The following NWD1 variants were observed in gnomAD, a reference collection of about 807,000 sequenced individuals.
The protein encoded by NWD1 is NACHT domain- and WD repeat-containing protein 1.
A neutral mutation model predicts 135.1 loss-of-function variants in NWD1; 129 were observed. That is an observed-to-expected ratio of 0.96 (90% CI 0.83 to 1.11). The LOEUF is 1.11. Ranked by LOEUF, NWD1 falls within the 50% of genes least tolerant of loss-of-function variation. The pLI, the probability that NWD1 is intolerant of heterozygous loss-of-function variation, is 0.00. For synonymous variants in NWD1, 773 were observed against 786.0 expected (o/e 0.98, Z 0.28); for missense variants, 1,740 against 1,851.3 (o/e 0.94, Z 1.10).
intron 12 of NWD1, among the ~76,000 whole-genome samples, chr19:16,781,452 CA>C (rs1247726685): frequency 1.3e-5 from 2 of 151,972 alleles, no homozygotes; most frequent in African/African-American, 4.8e-5. Flanking sequence ...CACATCTCTA[CA>C]AAAAATGCAA....
intron 12 of NWD1, among the ~76,000 whole-genome samples, chr19:16,780,479 A>G (rs1196442877): frequency 6.6e-6 from 1 of 152,104 alleles, no homozygotes; most frequent in Non-Finnish European, 1.5e-5. Context: ...CAAGAAAACA[A>G]GTAGGCACTC....
intron 4 of NWD1, among the ~76,000 whole-genome samples, chr19:16,737,222 A>G (rs991609808): frequency 1.3e-5 from 2 of 152,080 alleles, no homozygotes; most frequent in Non-Finnish European, 1.5e-5. Context: ...CCAGTCCACA[A>G]TTAATGGTTT....
At chr19:16,797,403 T>C (rs1207527263) in intron 15 of NWD1, among the ~76,000 whole-genome samples, 4 of 150,416 alleles carry the variant, frequency 2.7e-5, no homozygotes. Flanking sequence ...CAATCTCAGC[T>C]TACTGCAGCC....
chr19:16,744,897 T>C, intron 5 of NWD1, 179 bp downstream of exon 5: 2 of 662,582 alleles, frequency 3.0e-6, no homozygotes, highest in Non-Finnish European at 5.4e-6. Context: ...AGTTCAGCCA[T>C]GTTCCTGATC....
At chr19:16,742,525 C>T (rs1174719758) in intron 4 of NWD1, among the ~76,000 whole-genome samples, 1 of 152,122 alleles carries the variant, frequency 6.6e-6, no homozygotes, top group Non-Finnish European at 1.5e-5. Flanking sequence ...GTTCCATCCC[C>T]AGGCCCCTGT....
intron 6 of NWD1, among the ~76,000 whole-genome samples, chr19:16,758,836 C>T (rs540192365): frequency 4.0e-5 from 6 of 151,850 alleles, no homozygotes; most frequent in South Asian, 4.2e-4. Context: ...GGTGAAACCC[C>T]GTCTCTACTA....
At chr19:16,729,446 C>T (rs1334205622) in intron 2 of NWD1, among the ~76,000 whole-genome samples, 1 of 152,012 alleles carries the variant, frequency 6.6e-6, no homozygotes, top group East Asian at 1.9e-4. Context: ...TGCAAACACC[C>T]CGTCTTCAGG....
chr19:16,803,792 G>T (rs989666644), intron 17 of NWD1, among the ~76,000 whole-genome samples: 1 of 151,788 alleles, frequency 6.6e-6, no homozygotes, highest in African/African-American at 2.4e-5. Context: ...GGGCGTGGTG[G>T]TGTGTGCCTG....
intron 7 of NWD1, 22 bp downstream of exon 7, chr19:16,759,450 A>T: frequency 1.3e-6 from 2 of 1,524,096 alleles, no homozygotes; most frequent in Non-Finnish European, 1.8e-6. Flanking sequence ...CAGCAGTGGC[A>T]GCGACACTGT....
intron 6 of NWD1, among the ~76,000 whole-genome samples, chr19:16,757,492 G>T (rs139528625): frequency 2.0e-5 from 3 of 152,140 alleles, no homozygotes; most frequent in Non-Finnish European, 2.9e-5. Context: ...CAACAGTTTT[G>T]CTTTTGGCAG....
intron 6 of NWD1, among the ~76,000 whole-genome samples, chr19:16,752,498 A>AT (rs1044854658): frequency 1.2e-4 from 17 of 141,388 alleles, no homozygotes; most frequent in Non-Finnish European, 2.3e-4. Context: ...CTATACAACA[A>AT]TTTTTTTTAA....
rs191687368 is a variant in NWD1 at position 16,791,954 on chromosome 19, T to C, written c.3213+332T>C. On this transcript the variant is annotated intron_variant, in intron 14 of 18. Transcript: ENST00000524140. The stretch of plus-strand genomic sequence containing the variant: ...GTCTCAAACTCCCAACCTCAGATGA[T>C]CTGCCCACCTCGGCCTCCCAGAGTA... Among the ~76,000 whole-genome samples, 761 of 152,204 alleles carry C rather than the reference T, an allele frequency of 5.0e-3. 5 individuals carry two copies. The highest frequency in any genetic ancestry group is 0.017 in the African/African-American group (701 of 41,554).
rs576569787 is a variant in NWD1 at position 16,800,211 on chromosome 19, A to G, written c.3736+49A>G. ...ATTTTTGTGGGTAAGGCTTGGAGCC[A>G]TCTGTCTTAGTTTAGGCTACTGTAA... is the stretch of plus-strand genomic sequence containing the variant. On this transcript the variant is annotated intron_variant, in intron 17 of 18. Transcript: ENST00000524140. 20 of 1,523,794 alleles carry G rather than the reference A, an allele frequency of 1.3e-5. No homozygotes were observed. The African/African-American group carries it at 2.3e-4, about 18-fold the overall frequency. The allele number at this position is 1,523,794 out of a possible 1,614,324, so 94.4% of individuals were successfully genotyped here.
At chr19:16,767,862 C>A (rs1969281690) in intron 10 of NWD1, among the ~76,000 whole-genome samples, 1 of 151,622 alleles carries the variant, frequency 6.6e-6, no homozygotes, top group South Asian at 2.1e-4. Flanking sequence ...AATTTGACTG[C>A]TTTAGGTATT....
Position 16,749,152 on chromosome 19 carries a change from G to T in NWD1, c.510G>T (p.Glu170Asp), listed in dbSNP as rs757951904. The change falls in exon 6 of 19, where the codon GAG becomes GAT. Residue 170 changes from glutamate to aspartate, a missense_variant. Glu to Asp is a conservative substitution (Grantham distance 45). Transcript: ENST00000524140. The stretch of plus-strand genomic sequence containing the variant: ...CCACTTTGGCAGTCATTGAGTGGGA[G>T]ATAGAGCGGAGCCTGCTGAGCTCAG... ...QHYHRSVIEW[E>D]IERSLLSSED... The T allele has an allele frequency of 4.4e-6, 7 of 1,602,246 alleles. No homozygotes were observed. Among genetic ancestry groups the T allele is most frequent in the Non-Finnish European group, 3.4e-6 (4 of 1,172,970 alleles).
chr19:16,753,333 C>T (rs1352367236), intron 6 of NWD1, among the ~76,000 whole-genome samples: 1 of 152,156 alleles, frequency 6.6e-6, no homozygotes, highest in Admixed American at 6.5e-5. Context: ...CTACTTGGTC[C>T]CATATCTGGT....
chr19:16,775,138 G>A (rs2122962037), intron 11 of NWD1, among the ~76,000 whole-genome samples: 1 of 152,134 alleles, frequency 6.6e-6, no homozygotes, highest in South Asian at 2.1e-4. Flanking sequence ...GCACTCCCCA[G>A]GCACATTATT....
intron 14 of NWD1, among the ~76,000 whole-genome samples, chr19:16,792,743 G>C (rs924774673): frequency 2.6e-5 from 4 of 151,672 alleles, no homozygotes; most frequent in African/African-American, 9.7e-5. Context: ...CGGGTGTGGT[G>C]GTGGGTGCCT....
chr19:16,798,455 A>C (rs1478422844), intron 16 of NWD1, among the ~76,000 whole-genome samples: 1 of 152,012 alleles, frequency 6.6e-6, no homozygotes, highest in Non-Finnish European at 1.5e-5. Flanking sequence ...ACAAAAAAAC[A>C]CAAAAATTAG....
Sources: allele counts gnomAD v4.1 joint callset (sites outside exome capture counted in the v4.1 genomes callset), GRCh38; gene constraint gnomAD v4.1.1; transcripts MANE v1.5; gene names NCBI Gene and HGNC (gene_info 2026-07-23, HGNC 2026-07-21).